Variants in SLCO3A1 observed in about 807,000 individuals in gnomAD.
The protein encoded by SLCO3A1 is solute carrier organic anion transporter family member 3A1, also known as PGE1 transporter.
A neutral mutation model predicts 63.1 loss-of-function variants in SLCO3A1; 27 were observed. The ratio of observed to expected loss-of-function variants is 0.43; its 90% CI spans 0.32 to 0.59. SLCO3A1 has a LOEUF of 0.59. Ranked by LOEUF, SLCO3A1 falls within the 20% of genes least tolerant of loss-of-function variation. The pLI, the probability that SLCO3A1 is intolerant of heterozygous loss-of-function variation, is 0.09. For synonymous variants in SLCO3A1, 473 were observed against 409.9 expected (o/e 1.15, Z -1.86); for missense variants, 773 against 945.8 (o/e 0.82, Z 2.40).
At position 92,017,875 on chromosome 15, in the gene SLCO3A1, A is replaced by G. The variant is rs146090115; in HGVS notation, c.647-77006A>G. 1.2e-3 allele frequency among the ~76,000 whole-genome samples: 178 copies of G among 152,224 alleles called. 1 individual carries two copies. The highest frequency in any genetic ancestry group is 3.9e-3 in the African/African-American group (163 of 41,550). Reference sequence around the variant, plus strand: ...AGACATAGGCAGAGGTGAGTGAGATAGGGGCCCATCACACTAGCACACTAG... The same window carrying G: ...AGACATAGGCAGAGGTGAGTGAGATGGGGGCCCATCACACTAGCACACTAG... On this transcript the variant is annotated intron_variant, in intron 2 of 9. Coordinates refer to ENST00000318445, the MANE Select transcript of SLCO3A1 (RefSeq NM_013272.4).
rs940393103 is a variant in SLCO3A1 at position 91,954,403 on chromosome 15, A to G, written c.646+37945A>G. ...AGGCGGAGACGGGCGGGTACTGCAC[A>G]GAGTGAGGCAGTCAGAAGTCCTGCC... is the stretch of plus-strand genomic sequence containing the variant. On this transcript the variant is annotated intron_variant, in intron 2 of 9. Transcript: ENST00000318445. This position sits in a 1 kb window ranked among gnomAD's most constrained non-coding sequence, Gnocchi z 4.7. Among the ~76,000 whole-genome samples, 1 of 152,220 alleles carries G rather than the reference A, an allele frequency of 6.6e-6. No individual in the cohort carries two copies. Among genetic ancestry groups the G allele is most frequent in the Non-Finnish European group, 1.5e-5 (1 of 68,034 alleles).
chr15:92,041,556 T>C (rs1003338341), intron 2 of SLCO3A1, among the ~76,000 whole-genome samples: 39 of 152,230 alleles, frequency 2.6e-4, no homozygotes, highest in African/African-American at 9.2e-4. Flanking sequence ...GAATGAACTA[T>C]GTGGTCTCTT....
intron 2 of SLCO3A1, among the ~76,000 whole-genome samples, chr15:91,953,998 G>C (rs1005018301): frequency 2.0e-5 from 3 of 152,172 alleles, no homozygotes; most frequent in African/African-American, 4.8e-5. Flanking sequence ...TTTTTAAATA[G>C]GGGTATGTCT....
intron 2 of SLCO3A1, among the ~76,000 whole-genome samples, chr15:92,038,788 A>G (rs150710422): frequency 2.6e-5 from 4 of 152,338 alleles, no homozygotes; most frequent in African/African-American, 9.6e-5. Context: ...AAGAAACCAT[A>G]TAGCCAAGAC....
intron 2 of SLCO3A1, among the ~76,000 whole-genome samples, chr15:91,944,689 A>G (rs540025601): frequency 1.3e-5 from 2 of 152,196 alleles, no homozygotes; most frequent in East Asian, 3.9e-4. Flanking sequence ...GATGCTTTTC[A>G]AAGAGGAGCC....
chr15:92,098,809 C>T (rs1012862050), intron 3 of SLCO3A1, among the ~76,000 whole-genome samples: 2 of 152,178 alleles, frequency 1.3e-5, no homozygotes, highest in African/African-American at 2.4e-5. Context: ...ACATCGCACA[C>T]ACATCCTGAG....
chr15:92,045,943 G>A (rs779163574), intron 2 of SLCO3A1, among the ~76,000 whole-genome samples: 11 of 152,114 alleles, frequency 7.2e-5, no homozygotes, highest in Non-Finnish European at 1.0e-4. Context: ...CTGTCCTCTC[G>A]TGATGGTGTT....
At chr15:92,117,636 T>C (rs12437502) in intron 4 of SLCO3A1, among the ~76,000 whole-genome samples, 112,647 of 152,160 alleles carry the variant, frequency 0.74, 42,827 homozygotes, top group East Asian at 0.94. Flanking sequence ...ATCCATACTG[T>C]TCTTACTACA....
At chr15:91,960,375 T>G (rs1280610275) in intron 2 of SLCO3A1, among the ~76,000 whole-genome samples, 2 of 152,230 alleles carry the variant, frequency 1.3e-5, no homozygotes, top group Non-Finnish European at 2.9e-5. Context: ...CACATTTTGT[T>G]CATTCAACCA....
intron 2 of SLCO3A1, among the ~76,000 whole-genome samples, chr15:91,995,102 T>C (rs985479664): frequency 1.3e-5 from 2 of 152,246 alleles, no homozygotes; most frequent in Admixed American, 6.5e-5. Context: ...TGGGTGGTTT[T>C]GAATCCCAAC....
intron 4 of SLCO3A1, among the ~76,000 whole-genome samples, chr15:92,109,577 A>G (rs1280841605): frequency 6.6e-6 from 1 of 152,150 alleles, no homozygotes; most frequent in Non-Finnish European, 1.5e-5. Flanking sequence ...GCCTTTGATC[A>G]CTGAAAGAGA....
At chr15:91,870,964 G>A (rs1279171217) in intron 1 of SLCO3A1, among the ~76,000 whole-genome samples, 2 of 151,894 alleles carry the variant, frequency 1.3e-5, no homozygotes, top group Non-Finnish European at 2.9e-5. Context: ...AGATCTTTTG[G>A]GGGGTATCTT....
intron 2 of SLCO3A1, among the ~76,000 whole-genome samples, chr15:92,005,119 C>G (rs2046298559): frequency 6.6e-6 from 1 of 152,174 alleles, no homozygotes; most frequent in Non-Finnish European, 1.5e-5. Context: ...ATAATTAGTT[C>G]AGTCTTCTAG....
intron 2 of SLCO3A1, among the ~76,000 whole-genome samples, chr15:91,921,201 G>A (rs973933018): frequency 1.1e-4 from 16 of 152,184 alleles, no homozygotes; most frequent in Non-Finnish European, 1.2e-4. Context: ...GTGTCCTCAC[G>A]TGGTCTTCCC....
At chr15:92,070,996 G>A (rs2047209241) in intron 2 of SLCO3A1, among the ~76,000 whole-genome samples, 1 of 152,096 alleles carries the variant, frequency 6.6e-6, no homozygotes, top group Non-Finnish European at 1.5e-5. Flanking sequence ...CAATATATAT[G>A]AGGCACAAGG....
At chr15:91,934,212 G>A (rs117578579) in intron 2 of SLCO3A1, among the ~76,000 whole-genome samples, 4,510 of 152,268 alleles carry the variant, frequency 0.03, 83 homozygotes, top group Non-Finnish European at 0.044. Context: ...TACCCCCAGT[G>A]AGTGTTACAG....
chr15:92,121,461 A>G (rs1298339140), intron 5 of SLCO3A1, among the ~76,000 whole-genome samples: 3 of 152,190 alleles, frequency 2.0e-5, no homozygotes, highest in African/African-American at 7.2e-5. Flanking sequence ...TGGAAATAAC[A>G]AAGAAGAATC....
intron 7 of SLCO3A1, among the ~76,000 whole-genome samples, chr15:92,135,214 A>G (rs28433042): frequency 0.044 from 6,689 of 152,274 alleles, 522 homozygotes; most frequent in African/African-American, 0.15. Flanking sequence ...AGTTGCAGTC[A>G]TGCCTTTCAC....
intron 3 of SLCO3A1, among the ~76,000 whole-genome samples, chr15:92,100,802 G>A (rs2047596369): frequency 6.6e-6 from 1 of 152,196 alleles, no homozygotes; most frequent in Non-Finnish European, 1.5e-5. Flanking sequence ...ATACTAAAGG[G>A]TTCTTTCTTC....
Sources: gnomAD v4.1 joint callset for allele counts (sites outside exome capture counted in the v4.1 genomes callset) on GRCh38, gnomAD v4.1.1 for gene constraint, Gnocchi (gnomAD v3.1) non-coding constraint, MANE v1.5 for transcripts, NCBI Gene and HGNC (gene_info 2026-07-23, HGNC 2026-07-21) for gene names.